The following HDAC9 variants were observed in gnomAD, a reference collection of about 807,000 sequenced individuals.
HDAC9 encodes histone deacetylase 9, also known as MEF-2 interacting transcription repressor (MITR) protein.
A neutral mutation model predicts 139.4 loss-of-function variants in HDAC9; 41 were observed. The observed-to-expected ratio is 0.29, with a 90% CI of 0.23 to 0.38. HDAC9 has a LOEUF of 0.38. Among genes scored for constraint, HDAC9 ranks in the 10% least tolerant of loss-of-function variants. The probability of loss-of-function intolerance (pLI) is 1.00; values close to 1 mark genes in which losing one functional copy is unlikely to be tolerated. For synonymous variants in HDAC9, 517 were observed against 476.2 expected (o/e 1.09, Z -1.12); for missense variants, 1,147 against 1,297.0 (o/e 0.88, Z 1.78).
intron 1 of HDAC9, among the ~76,000 whole-genome samples, chr7:18,371,982 G>A (rs958462818): frequency 6.6e-6 from 1 of 152,148 alleles, no homozygotes; most frequent in African/African-American, 2.4e-5. Flanking sequence ...CTAACTTAGG[G>A]ACCCTTTGGA....
At chr7:18,363,646 A>G (rs763243398) in intron 1 of HDAC9, among the ~76,000 whole-genome samples, 7 of 151,856 alleles carry the variant, frequency 4.6e-5, no homozygotes, top group Non-Finnish European at 7.4e-5. Flanking sequence ...CAAAATGGAG[A>G]TGTTTTCTGT....
At chr7:18,674,077 G>C (rs1302136814) in intron 12 of HDAC9, among the ~76,000 whole-genome samples, 1 of 151,912 alleles carries the variant, frequency 6.6e-6, no homozygotes, top group Non-Finnish European at 1.5e-5. Flanking sequence ...AGATGATCTT[G>C]TAGTCATCTT....
chr7:18,750,007 G>A (rs986623298), intron 14 of HDAC9, among the ~76,000 whole-genome samples: 1 of 152,098 alleles, frequency 6.6e-6, no homozygotes, highest in Non-Finnish European at 1.5e-5. Context: ...AGACAAATAT[G>A]GTCCCAAAAT....
At chr7:18,218,379 G>A (rs934404055) in intron 2 of HDAC9, among the ~76,000 whole-genome samples, 12 of 152,244 alleles carry the variant, frequency 7.9e-5, no homozygotes, top group South Asian at 2.1e-4. Context: ...GGGAGATGGA[G>A]ATTGTAGTGA....
intron 13 of HDAC9, among the ~76,000 whole-genome samples, chr7:18,730,183 T>A (rs1022872305): frequency 4.6e-5 from 7 of 152,206 alleles, no homozygotes; most frequent in African/African-American, 1.4e-4. Context: ...ATATGTAACA[T>A]TCATTTAGTA....
intron 24 of HDAC9, among the ~76,000 whole-genome samples, chr7:18,955,588 T>G (rs938834479): frequency 6.6e-6 from 1 of 152,166 alleles, no homozygotes; most frequent in African/African-American, 2.4e-5. Context: ...TATTACATGT[T>G]GATCAATTAC....
At chr7:18,333,648 A>G (rs889708693) in intron 1 of HDAC9, among the ~76,000 whole-genome samples, 27 of 151,470 alleles carry the variant, frequency 1.8e-4, no homozygotes, top group Non-Finnish European at 2.5e-4. Flanking sequence ...CTCATGGCAA[A>G]TATATTAGTA....
At chr7:18,830,602 G>A (rs1795791830) in intron 19 of HDAC9, among the ~76,000 whole-genome samples, 1 of 152,206 alleles carries the variant, frequency 6.6e-6, no homozygotes, top group Non-Finnish European at 1.5e-5. Flanking sequence ...ACAAAGCCAT[G>A]TGAAGAAATG....
intron 12 of HDAC9, chr7:18,666,758 G>GGC: frequency 8.3e-7 from 1 of 1,206,514 alleles, no homozygotes. Flanking sequence ...TATCTGAGCA[G>GGC]TTAATAGGCT....
intron 12 of HDAC9, among the ~76,000 whole-genome samples, chr7:18,680,307 A>C (rs1781804220): frequency 6.6e-6 from 1 of 151,980 alleles, no homozygotes; most frequent in Non-Finnish European, 1.5e-5. Context: ...CAGTTGCGTA[A>C]TGAGGAGGAA....
rs192635765 is a variant in HDAC9 at position 18,677,491 on chromosome 7, T to A, written c.1731+11015T>A. ...AGAAATTTATTTTATTTCGTTTGAG[T>A]AATTACTTAGGAGTGAAAATGAGTT... On this transcript the variant is annotated intron_variant, in intron 12 of 25. Coordinates refer to ENST00000686413, the MANE Select transcript of HDAC9 (RefSeq NM_178425.4). Among the ~76,000 whole-genome samples the A allele has an allele frequency of 1.9e-3, 282 of 152,080 alleles. 1 individual carries two copies. The highest frequency in any genetic ancestry group is 6.8e-3 in the Middle Eastern group (2 of 294).
intron 2 of HDAC9, among the ~76,000 whole-genome samples, chr7:18,232,030 G>A (rs1793494111): frequency 1.3e-5 from 2 of 152,188 alleles, no homozygotes; most frequent in Non-Finnish European, 1.5e-5. Flanking sequence ...AATAATGAGT[G>A]CATTTGTGAT....
chr7:18,190,222 G>A (rs1287377836), intron 2 of HDAC9, among the ~76,000 whole-genome samples: 1 of 152,176 alleles, frequency 6.6e-6, no homozygotes, highest in Non-Finnish European at 1.5e-5. Context: ...TGGGATTACA[G>A]GCGTGAGCCA....
intron 9 of HDAC9, among the ~76,000 whole-genome samples, chr7:18,647,149 A>G (rs1562736161): frequency 1.3e-5 from 2 of 152,110 alleles, no homozygotes; most frequent in South Asian, 4.1e-4. Context: ...CTTAATCCCC[A>G]TGATATAGTC....
At chr7:18,465,711 C>G (rs1317294083) in intron 1 of HDAC9, among the ~76,000 whole-genome samples, 1 of 152,058 alleles carries the variant, frequency 6.6e-6, no homozygotes, top group Non-Finnish European at 1.5e-5. Flanking sequence ...ATTCTTCTGT[C>G]TTTATTTCTT....
chr7:18,119,490 T>C (rs1784228389), intron 1 of HDAC9, among the ~76,000 whole-genome samples: 1 of 152,176 alleles, frequency 6.6e-6, no homozygotes. Flanking sequence ...CAAACTTGTC[T>C]TGGTTGAATT....
chr7:18,514,267 G>C (rs1450649918), intron 2 of HDAC9, among the ~76,000 whole-genome samples: 4 of 152,126 alleles, frequency 2.6e-5, no homozygotes, highest in Non-Finnish European at 4.4e-5. Context: ...GAAATAGATG[G>C]AAAATTTGAC....
intron 25 of HDAC9, among the ~76,000 whole-genome samples, chr7:18,991,236 A>G (rs887770093): frequency 2.6e-5 from 4 of 152,240 alleles, no homozygotes; most frequent in African/African-American, 9.6e-5. Context: ...GGGGGAGATG[A>G]AAAAGAAAAA....
chr7:18,573,336 A>G (rs770846597), intron 2 of HDAC9, among the ~76,000 whole-genome samples: 1 of 152,252 alleles, frequency 6.6e-6, no homozygotes. Context: ...TATCGTAACT[A>G]GTGGAAAAGC....
Sources: allele counts gnomAD v4.1 joint callset (sites outside exome capture counted in the v4.1 genomes callset), GRCh38; gene constraint gnomAD v4.1.1; transcripts MANE v1.5; gene names NCBI Gene and HGNC (gene_info 2026-07-23, HGNC 2026-07-21).